The following ZBTB11 variants were observed in gnomAD, a reference collection of about 807,000 sequenced individuals.
ZBTB11 encodes the protein zinc finger and BTB domain containing 11, also known as zinc finger and BTB domain-containing protein 11.
In ZBTB11, 68 loss-of-function variants were observed where a neutral mutation model predicts 113.1. The observed-to-expected ratio is 0.60, with a 90% CI of 0.49 to 0.74. The LOEUF (loss-of-function observed/expected upper bound fraction) is 0.74, where lower values mean the gene tolerates loss of function less well. ZBTB11 is among the 30% of genes least tolerant of loss of function. The probability of loss-of-function intolerance (pLI) is 0.00; values close to 1 mark genes in which losing one functional copy is unlikely to be tolerated. For missense variants in ZBTB11, 1,104 were observed against 1,279.4 expected (o/e 0.86, Z 2.09); for synonymous variants, 518 against 452.6 (o/e 1.14, Z -1.83).
chr3:101,676,690 G>C lies in ZBTB11; in HGVS notation c.225C>G (p.Ile75Met), dbSNP rs1479453053. Residue 75 changes from isoleucine (I) to methionine (M), a missense_variant, in exon 1 of 11, where the codon ATC becomes ATG. Transcript: ENST00000312938. ...CGCCGGGACCCAGGTGCGCCGCCTCGATGAGGTCCCGGCGTCGCTCCGGCT... is the reference window on the plus strand; with the variant it reads ...CGCCGGGACCCAGGTGCGCCGCCTCCATGAGGTCCCGGCGTCGCTCCGGCT... Reference protein sequence around the residue: ...VLQPERRRDLIEAAHLGPGGT... With the variant: ...VLQPERRRDLMEAAHLGPGGT... 1 of 1,598,280 alleles carries C rather than the reference G, an allele frequency of 6.3e-7. No individual in the cohort carries two copies. Among genetic ancestry groups the C allele is most frequent in the Non-Finnish European group, 8.5e-7 (1 of 1,171,848 alleles).
At chr3:101,667,764 T>C (rs1356532424) in intron 3 of ZBTB11, among the ~76,000 whole-genome samples, 2 of 152,036 alleles carry the variant, frequency 1.3e-5, no homozygotes, top group Admixed American at 6.6e-5. Context: ...CATTTGTTGG[T>C]AGAAATGTAA....
chr3:101,677,091 G>C lies in ZBTB11; in HGVS notation c.-177C>G. ...GAAAAGCGGGCGAGTTGGTAACCAG[G>C]GGGAACTGCACTTCTCCAGCGCGCG... On this transcript the variant is annotated 5_prime_UTR_variant, in exon 1 of 11. Transcript: ENST00000312938. 1 of 680,962 alleles carries C rather than the reference G, an allele frequency of 1.5e-6. No homozygotes were observed. The highest frequency in any genetic ancestry group is 2.3e-6 in the Non-Finnish European group (1 of 431,256). 42.2% of individuals were successfully genotyped at this position (680,962 alleles called of 1,614,324 possible).
chr3:101,660,004 T>C lies in ZBTB11; in HGVS notation c.1825A>G (p.Ser609Gly), dbSNP rs1286675289. 4.3e-6 allele frequency: 7 copies of C among 1,614,038 alleles called. No homozygotes were observed. Among genetic ancestry groups the C allele is most frequent in the African/African-American group, 1.3e-5 (1 of 74,942 alleles). ...ATAAGATGTGCTCGCAAAGAGGCAC[T>C]GTACTGAAACTGTTTTTTACACAAC... ...CPLCKKQFQY[S>G]ASLRAHLIRH... The change falls in exon 6 of 11, where the codon AGT becomes GGT. Residue 609 changes from serine (S) to glycine (G), a missense_variant. Physicochemically the swap from Ser to Gly is moderately conservative, Grantham distance 56 (BLOSUM62 0). Transcript: ENST00000312938.
chr3:101,668,053 A>G (rs1456341726), intron 3 of ZBTB11, among the ~76,000 whole-genome samples: 1 of 152,172 alleles, frequency 6.6e-6, no homozygotes, highest in African/African-American at 2.4e-5. Flanking sequence ...TGTCATTTGC[A>G]GCAACATGAT....
chr3:101,651,378 C>G lies in ZBTB11; in HGVS notation c.2950G>C (p.Glu984Gln). Residue 984 changes from glutamate to glutamine, a missense_variant, in exon 11 of 11, where the codon GAG (glutamate) becomes CAG (glutamine). Physicochemically the swap from Glu to Gln is conservative, Grantham distance 29 (BLOSUM62 2). Around this residue, in one of 5 missense-constraint regions of ZBTB11, gnomAD observed 90 missense variants for 98.0 expected, o/e 0.92. Coordinates refer to ENST00000312938, the MANE Select transcript of ZBTB11 (RefSeq NM_014415.4). Reference protein sequence around the residue: ...EQESSGPQELETVVVTGETME... With the variant: ...EQESSGPQELQTVVVTGETME... ...GTTTCTCCTGTCACTACCACAGTCTCAAGTTCTTGAGGACCACTGCTTTCT... is the reference window on the plus strand; with the variant it reads ...GTTTCTCCTGTCACTACCACAGTCTGAAGTTCTTGAGGACCACTGCTTTCT... The G allele has an allele frequency of 3.1e-6, 5 of 1,614,006 alleles. No individual in the cohort carries two copies. Among genetic ancestry groups the G allele is most frequent in the Non-Finnish European group, 4.2e-6 (5 of 1,179,914 alleles).
In ZBTB11 at chr3:101,651,306, C is replaced by T. The variant is rs1576642124; in HGVS notation, c.3022G>A (p.Val1008Ile). Reference protein sequence around the residue: ...AVAATEEYPSVSTLSDQSIMQ... With the variant: ...AVAATEEYPSISTLSDQSIMQ... ...ATACTTTGGTCAGAAAGTGTAGATA[C>T]CGATGGATACTCTTCAGTAGCTGCA... is the stretch of plus-strand genomic sequence containing the variant. Residue 1008 changes from valine to isoleucine, a missense_variant, in exon 11 of 11, where the codon GTA (valine) becomes ATA (isoleucine). Physicochemically the swap from Val to Ile is conservative, Grantham distance 29 (BLOSUM62 3). Coordinates refer to ENST00000312938, the MANE Select transcript of ZBTB11 (RefSeq NM_014415.4). 2 of 1,613,296 alleles carry T rather than the reference C, an allele frequency of 1.2e-6. No individual in the cohort carries two copies.
At chr3:101,657,202 T>C (rs1278233401) in intron 6 of ZBTB11, among the ~76,000 whole-genome samples, 2 of 149,764 alleles carry the variant, frequency 1.3e-5, no homozygotes, top group South Asian at 2.1e-4. Flanking sequence ...TAGGAAGGAC[T>C]TGGCTTCAAA....
intron 6 of ZBTB11, among the ~76,000 whole-genome samples, chr3:101,658,443 C>T (rs1936834273): frequency 6.6e-6 from 1 of 151,948 alleles, no homozygotes; most frequent in Non-Finnish European, 1.5e-5. Context: ...AGGATGGTCT[C>T]GATCTCCTGA....
chr3:101,652,446 T>C (rs1251343512), intron 10 of ZBTB11, 50 bp downstream of exon 10: 1 of 1,560,086 alleles, frequency 6.4e-7, no homozygotes, highest in Admixed American at 1.9e-5. Context: ...GAATCACTAC[T>C]GGACTGGCTT....
intron 10 of ZBTB11, among the ~76,000 whole-genome samples, chr3:101,652,016 C>G (rs1012044475): frequency 2.0e-5 from 3 of 151,992 alleles, no homozygotes; most frequent in African/African-American, 7.2e-5. Flanking sequence ...GTAGTCCCAG[C>G]TACTTAGGAG....
rs1447668922 is a variant in ZBTB11, at chr3:101,659,873, T to C, written c.1956A>G (p.Ile652Met). 9 of 1,614,080 alleles carry C rather than the reference T, an allele frequency of 5.6e-6. No individual in the cohort carries two copies. The highest frequency in any genetic ancestry group is 1.3e-5 in the African/African-American group (1 of 74,936). ...SEKGRTKREFICSICGRTLPK... is the reference protein window; with the variant it reads ...SEKGRTKREFMCSICGRTLPK... ...GTAATGTTCTTCCACATATGGAACATATAAATTCCCGCTTGGTTCTGCCCT... is the reference window on the plus strand; with the variant it reads ...GTAATGTTCTTCCACATATGGAACACATAAATTCCCGCTTGGTTCTGCCCT... Residue 652 changes from isoleucine (I) to methionine (M), a missense_variant, in exon 6 of 11, where the codon ATA becomes ATG. Around this residue, in one of 5 missense-constraint regions of ZBTB11, gnomAD observed 535 missense variants for 518.6 expected, o/e 1.03. Coordinates refer to ENST00000312938, the MANE Select transcript of ZBTB11 (RefSeq NM_014415.4).
chr3:101,661,242 A>C (rs1394730301), intron 5 of ZBTB11, among the ~76,000 whole-genome samples: 2 of 151,848 alleles, frequency 1.3e-5, no homozygotes, highest in African/African-American at 4.8e-5. Context: ...TCAAAAAAAA[A>C]AAAAAAAAAA....
chr3:101,672,807 T>G (rs771487471), intron 1 of ZBTB11, among the ~76,000 whole-genome samples: 3 of 152,376 alleles, frequency 2.0e-5, no homozygotes, highest in Non-Finnish European at 4.4e-5. Context: ...GTGATTTGAT[T>G]TGCACACATG....
intron 3 of ZBTB11, among the ~76,000 whole-genome samples, chr3:101,668,620 CA>C (rs35363315): frequency 1.6e-3 from 188 of 117,642 alleles, no homozygotes; most frequent in Middle Eastern, 4.9e-3. Context: ...AAGATTCTGT[CA>C]AAAAAAAAAA....
chr3:101,669,130 T>A (rs1293691245), intron 3 of ZBTB11, among the ~76,000 whole-genome samples: 1 of 152,134 alleles, frequency 6.6e-6, no homozygotes, highest in Non-Finnish European at 1.5e-5. Flanking sequence ...CCTCCTGGGA[T>A]CAAGTGATCC....
At chr3:101,656,751 T>A (rs1394465644) in intron 6 of ZBTB11, among the ~76,000 whole-genome samples, 1 of 152,136 alleles carries the variant, frequency 6.6e-6, no homozygotes, top group Non-Finnish European at 1.5e-5. Context: ...TTCTACATGC[T>A]TACTCTCTAT....
At position 101,655,232 on chromosome 3, in the gene ZBTB11, T is replaced by C. The variant is rs79277643; in HGVS notation, c.2192-411A>G. Among the ~76,000 whole-genome samples, 882 of 152,310 alleles carry C rather than the reference T, an allele frequency of 5.8e-3. 13 individuals are homozygous for C. The highest frequency in any genetic ancestry group is 0.021 in the African/African-American group (855 of 41,566). On this transcript the variant is annotated intron_variant, in intron 7 of 10. Transcript: ENST00000312938. ...CAGAAGTTACTTTACCAAGGGGACA[T>C]GGAAGCTATAACATTTGGCAGACAT... is the stretch of plus-strand genomic sequence containing the variant.
chr3:101,662,208 C>T (rs1321198286), intron 5 of ZBTB11: 5 of 152,020 alleles, frequency 3.3e-5, no homozygotes, highest in African/African-American at 9.7e-5. Flanking sequence ...GACAGGGTCT[C>T]GCTATATTGC....
At chr3:101,660,489 T>C (rs906050760) in intron 5 of ZBTB11, among the ~76,000 whole-genome samples, 1 of 152,192 alleles carries the variant, frequency 6.6e-6, no homozygotes, top group Non-Finnish European at 1.5e-5. Flanking sequence ...GCAAAACCTA[T>C]TTTTTAAAAC....
Sources: gnomAD v4.1 joint callset for allele counts (sites outside exome capture counted in the v4.1 genomes callset) on GRCh38, gnomAD v4.1.1 for gene constraint, gnomAD v4.1.1 regional missense constraint, MANE v1.5 for transcripts, NCBI Gene and HGNC (gene_info 2026-07-23, HGNC 2026-07-21) for gene names.